CCDC91: variants seen among roughly 807,000 people sequenced by gnomAD.
CCDC91 encodes the protein coiled-coil domain-containing protein 91.
In CCDC91, 48 loss-of-function variants were observed where a neutral mutation model predicts 63.2. The observed-to-expected ratio is 0.76, with a 90% CI of 0.60 to 0.97. CCDC91 has a LOEUF of 0.97. Ranked by LOEUF, CCDC91 falls within the 50% of genes least tolerant of loss-of-function variation. The pLI is 0.00. For synonymous variants in CCDC91, 167 were observed against 165.8 expected, an observed-to-expected ratio of 1.01 and a Z score of -0.06; for missense variants, 500 against 494.6, an observed-to-expected ratio of 1.01 and a Z score of -0.10.
At chr12:28,288,431 C>A (rs1423463300) in intron 3 of CCDC91, among the ~76,000 whole-genome samples, 2 of 152,038 alleles carry the variant, frequency 1.3e-5, no homozygotes, top group East Asian at 1.9e-4. Flanking sequence ...TTATCAAAAG[C>A]CTTTTTTTGC....
intron 6 of CCDC91, among the ~76,000 whole-genome samples, chr12:28,361,405 C>G (rs1943874563): frequency 6.6e-6 from 1 of 151,902 alleles, no homozygotes; most frequent in Non-Finnish European, 1.5e-5. Context: ...TTGTTCAGTT[C>G]CCACCTATGA....
chr12:28,502,186 T>C (rs1385508716), intron 12 of CCDC91, among the ~76,000 whole-genome samples: 2 of 151,902 alleles, frequency 1.3e-5, no homozygotes, highest in Admixed American at 6.6e-5. Flanking sequence ...GAAAACCCCA[T>C]TGTCTCAGCC....
intron 1 of CCDC91, among the ~76,000 whole-genome samples, chr12:28,241,755 G>A (rs957733641): frequency 9.2e-5 from 14 of 151,946 alleles, no homozygotes; most frequent in African/African-American, 3.1e-4. Context: ...CCAGCACTTG[G>A]GAGGCTGAGG....
intron 3 of CCDC91, among the ~76,000 whole-genome samples, chr12:28,303,192 A>T (rs1938268692): frequency 6.6e-6 from 1 of 152,088 alleles, no homozygotes; most frequent in African/African-American, 2.4e-5. Flanking sequence ...TAAATAACAG[A>T]TCCAGTGGAG....
chr12:28,459,817 C>T (rs1950221004), intron 11 of CCDC91, among the ~76,000 whole-genome samples: 1 of 152,120 alleles, frequency 6.6e-6, no homozygotes, highest in African/African-American at 2.4e-5. Context: ...TTCAACTATA[C>T]CATTCATGTA....
intron 11 of CCDC91, among the ~76,000 whole-genome samples, chr12:28,477,816 A>G (rs1217719237): frequency 1.3e-5 from 2 of 152,156 alleles, no homozygotes; most frequent in African/African-American, 4.8e-5. Context: ...TTATACACCA[A>G]TAACAGACAA....
At chr12:28,314,548 C>T (rs1028461213) in intron 6 of CCDC91, among the ~76,000 whole-genome samples, 7 of 151,840 alleles carry the variant, frequency 4.6e-5, no homozygotes, top group South Asian at 2.1e-4. Flanking sequence ...ATATAGTTTG[C>T]GGTCTTATGT....
chr12:28,231,480 GGAAA>G (rs1944598586), intron 1 of CCDC91, among the ~76,000 whole-genome samples: 1 of 152,068 alleles, frequency 6.6e-6, no homozygotes, highest in East Asian at 1.9e-4. Flanking sequence ...AAGTTGTTTG[GGAAA>G]GAGTTTTGAG....
intron 6 of CCDC91, among the ~76,000 whole-genome samples, chr12:28,342,961 T>A (rs75024640): frequency 0.054 from 8,276 of 152,178 alleles, 568 homozygotes; most frequent in East Asian, 0.29. Context: ...CCTTTTTATT[T>A]GACATAGCCA....
chr12:28,243,712 A>T (rs960513647), intron 1 of CCDC91, among the ~76,000 whole-genome samples: 18 of 152,198 alleles, frequency 1.2e-4, no homozygotes, highest in Admixed American at 9.8e-4. Context: ...TATGTGACCT[A>T]TGTAAAAATA....
intron 1 of CCDC91, among the ~76,000 whole-genome samples, chr12:28,231,384 A>T (rs188530136): frequency 6.6e-6 from 1 of 152,320 alleles, no homozygotes; most frequent in African/African-American, 2.4e-5. Flanking sequence ...TTAATTTATG[A>T]TGGGACATCA....
intron 8 of CCDC91, among the ~76,000 whole-genome samples, chr12:28,415,064 G>A (rs538126015): frequency 6.6e-6 from 1 of 152,180 alleles, no homozygotes; most frequent in Non-Finnish European, 1.5e-5. Flanking sequence ...AATATAATTA[G>A]CTAACATTTT....
intron 1 of CCDC91, among the ~76,000 whole-genome samples, chr12:28,235,260 A>G (rs1399847179): frequency 6.6e-6 from 1 of 152,178 alleles, no homozygotes; most frequent in Non-Finnish European, 1.5e-5. Flanking sequence ...GGAGACATAG[A>G]CTGCTTCTCT....
chr12:28,376,696 G>T (rs1297178368), intron 7 of CCDC91, among the ~76,000 whole-genome samples: 1 of 151,770 alleles, frequency 6.6e-6, no homozygotes, highest in African/African-American at 2.4e-5. Context: ...TTTTTGCATA[G>T]AGGTGTTTAC....
intron 1 of CCDC91, among the ~76,000 whole-genome samples, chr12:28,200,083 A>G (rs1942094450): frequency 6.6e-6 from 1 of 151,718 alleles, no homozygotes. Flanking sequence ...ATATGTTGGT[A>G]TGCTTGATGG....
At chr12:28,519,697 C>T (rs1184167707) in intron 12 of CCDC91, among the ~76,000 whole-genome samples, 4 of 150,424 alleles carry the variant, frequency 2.7e-5, no homozygotes, top group Non-Finnish European at 5.9e-5. Flanking sequence ...TTAGGTATAT[C>T]TCCTAATGCT....
chr12:28,219,468 A>AT (rs752030088), intron 1 of CCDC91, among the ~76,000 whole-genome samples: 10,218 of 121,620 alleles, frequency 0.084, 960 homozygotes, highest in African/African-American at 0.2. Context: ...CAGTGTAACC[A>AT]TTTTTTTTTT....
At chr12:28,533,967 T>C (rs1592982477) in intron 12 of CCDC91, among the ~76,000 whole-genome samples, 1 of 152,158 alleles carries the variant, frequency 6.6e-6, no homozygotes, top group Admixed American at 6.5e-5. Context: ...AGGTTCTGAA[T>C]AGTCTTTTAC....
At chr12:28,548,954 G>C in intron 12 of CCDC91, 109 bp from the exon 13 acceptor site, 1 of 651,900 alleles carries the variant, frequency 1.5e-6, no homozygotes, top group Admixed American at 2.5e-5. Flanking sequence ...TTCCTAAATT[G>C]TCTCATCTGG....
Sources: gnomAD v4.1 joint callset for allele counts (sites outside exome capture counted in the v4.1 genomes callset) on GRCh38, gnomAD v4.1.1 for gene constraint, MANE v1.5 for transcripts, NCBI Gene and HGNC (gene_info 2026-07-23, HGNC 2026-07-21) for gene names.